PPM1L: variants seen among roughly 807,000 people sequenced by gnomAD.
PPM1L encodes protein phosphatase 1L.
PPM1L carries 13 observed loss-of-function variants against 31.4 expected under a neutral mutation model. The observed-to-expected ratio is 0.41, with a 90% CI of 0.27 to 0.66. The LOEUF is 0.66. Ranked by LOEUF, PPM1L falls within the 30% of genes least tolerant of loss-of-function variation. The probability of loss-of-function intolerance (pLI) is 0.29; values close to 1 mark genes in which losing one functional copy is unlikely to be tolerated. For synonymous variants in PPM1L, 184 were observed against 175.4 expected, an observed-to-expected ratio of 1.05 and a Z score of -0.39; for missense variants, 326 against 453.7, an observed-to-expected ratio of 0.72 and a Z score of 2.56.
At chr3:160,819,591 T>TTA (rs1472277109) in intron 1 of PPM1L, among the ~76,000 whole-genome samples, 1 of 152,054 alleles carries the variant, frequency 6.6e-6, no homozygotes. Context: ...CTAAGTGGTG[T>TTA]TATAGGGTAT....
Position 161,065,383 on chromosome 3 carries a change from CTCTCTCT to C in PPM1L, c.575-16_575-10del. The C allele has an allele frequency of 6.2e-7, 1 of 1,612,022 alleles. No homozygotes were observed. Among genetic ancestry groups the C allele is most frequent in the Admixed American group, 1.7e-5 (1 of 59,938 alleles). On this transcript the variant is annotated splice_polypyrimidine_tract_variant and intron_variant, in intron 2 of 3. Coordinates refer to ENST00000498165, the MANE Select transcript of PPM1L (RefSeq NM_139245.4). ...ATGCACTGCTGACCTCCCGCGTTCT[CTCTCTCT>C]TCTATTTTTCAGGCACAACGTGTTT...
chr3:160,865,969 A>G (rs964701283), intron 1 of PPM1L, among the ~76,000 whole-genome samples: 8 of 152,240 alleles, frequency 5.3e-5, no homozygotes, highest in African/African-American at 1.9e-4. Flanking sequence ...AGAAGTTGTC[A>G]GGGAGAACAA....
In PPM1L at chr3:160,927,663, C is replaced by T. The variant is rs185731039; in HGVS notation, c.400-34073C>T. 2.5e-3 allele frequency among the ~76,000 whole-genome samples: 383 copies of T among 152,088 alleles called. 3 individuals carry two copies. Among genetic ancestry groups the T allele is most frequent in the African/African-American group, 8.5e-3 (354 of 41,484 alleles). On this transcript the variant is annotated intron_variant, in intron 1 of 3. Coordinates refer to ENST00000498165, the MANE Select transcript of PPM1L (RefSeq NM_139245.4). ...GCGTGCGCGCGCATGCACGTAAATG[C>T]GTGTTAGTGGTTAACATGTCTATAA...
intron 1 of PPM1L, among the ~76,000 whole-genome samples, chr3:160,938,817 G>A (rs1329583762): frequency 6.6e-6 from 1 of 152,166 alleles, no homozygotes; most frequent in Non-Finnish European, 1.5e-5. Flanking sequence ...TCCTAGTCTT[G>A]TTCAGGACTC....
intron 1 of PPM1L, among the ~76,000 whole-genome samples, chr3:160,844,083 A>G (rs1409934223): frequency 6.6e-6 from 1 of 152,238 alleles, no homozygotes; most frequent in African/African-American, 2.4e-5. Flanking sequence ...CTTTTGAGCC[A>G]GAAAAACCTG....
chr3:161,036,480 T>TTAGTAGATTG (rs1205674361), intron 2 of PPM1L, among the ~76,000 whole-genome samples: 2 of 152,328 alleles, frequency 1.3e-5, no homozygotes, highest in South Asian at 4.1e-4. Flanking sequence ...ATGTGAGGAT[T>TTAGTAGATTG]ATGTGAATGA....
In PPM1L at chr3:161,031,502, C is replaced by CTTTTTTTTTTTT. The variant is rs760907219; in HGVS notation, c.575-33896_575-33885dup. 3.7e-3 allele frequency among the ~76,000 whole-genome samples: 374 copies of CTTTTTTTTTTTT among 101,628 alleles called. 49 individuals carry two copies. The highest frequency in any genetic ancestry group is 0.014 in the African/African-American group (328 of 22,808). The allele number at this position is 101,628 out of a possible 152,430, so 66.7% of individuals were successfully genotyped here. On this transcript the variant is annotated intron_variant, in intron 2 of 3. Coordinates refer to ENST00000498165, the MANE Select transcript of PPM1L (RefSeq NM_139245.4). ...GTGAATGGCAGCTATGTATTCTGTC[C>CTTTTTTTTTTTT]TTTTTTTTTTTTTTTTGAGAGAGAG...
intron 2 of PPM1L, among the ~76,000 whole-genome samples, chr3:161,059,675 T>C (rs1437998001): frequency 2.0e-5 from 3 of 152,136 alleles, no homozygotes; most frequent in Non-Finnish European, 4.4e-5. Flanking sequence ...CCAAATCTCA[T>C]GTCAAATTGT....
chr3:160,789,644 A>C (rs1290193741), intron 1 of PPM1L, among the ~76,000 whole-genome samples: 1 of 151,984 alleles, frequency 6.6e-6, no homozygotes. Flanking sequence ...TTTTATTAAG[A>C]ATTTTTCAAA....
At chr3:160,865,617 A>T (rs1301788056) in intron 1 of PPM1L, among the ~76,000 whole-genome samples, 3 of 152,178 alleles carry the variant, frequency 2.0e-5, no homozygotes, top group Non-Finnish European at 4.4e-5. Flanking sequence ...TCTACTAAAA[A>T]TACAAAAATT....
At chr3:160,967,545 C>T (rs569676300) in intron 2 of PPM1L, among the ~76,000 whole-genome samples, 7 of 146,202 alleles carry the variant, frequency 4.8e-5, no homozygotes, top group African/African-American at 1.7e-4. Context: ...GCACTAATTC[C>T]ATTCACGAGG....
chr3:161,008,237 G>A (rs1241777256), intron 2 of PPM1L, among the ~76,000 whole-genome samples: 1 of 152,144 alleles, frequency 6.6e-6, no homozygotes, highest in Non-Finnish European at 1.5e-5. Context: ...TAGGCCATAA[G>A]ACCGCCATTC....
intron 1 of PPM1L, among the ~76,000 whole-genome samples, chr3:160,839,247 C>T (rs554354866): frequency 1.4e-4 from 22 of 152,174 alleles, no homozygotes; most frequent in Non-Finnish European, 2.5e-4. Context: ...ATTATGTTTG[C>T]GTAGCAAACT....
At chr3:160,903,208 T>TG (rs1553819694) in intron 1 of PPM1L, among the ~76,000 whole-genome samples, 8 of 120,116 alleles carry the variant, frequency 6.7e-5, no homozygotes, top group East Asian at 6.7e-4. Flanking sequence ...GTGTGTATGT[T>TG]TGTGTGTGTG....
At chr3:160,892,499 A>T (rs1713190230) in intron 1 of PPM1L, among the ~76,000 whole-genome samples, 1 of 152,166 alleles carries the variant, frequency 6.6e-6, no homozygotes, top group African/African-American at 2.4e-5. Context: ...TGGACTGGAC[A>T]AATATCCAAA....
rs149803069 is a variant in PPM1L at position 160,911,381 on chromosome 3, C to T, written c.400-50355C>T. ...CTCAACCATAGCTGTCTAGCACTGC[C>T]ATAGGTTCTGCAGAGAGTTCTGCAG... is the stretch of plus-strand genomic sequence containing the variant. On this transcript the variant is annotated intron_variant, in intron 1 of 3. Coordinates refer to ENST00000498165, the MANE Select transcript of PPM1L (RefSeq NM_139245.4). Among the ~76,000 whole-genome samples the T allele has an allele frequency of 6.5e-4, 99 of 152,290 alleles. 1 individual carries two copies. In the East Asian group the frequency reaches 0.017, roughly 26 times the overall value.
chr3:160,858,907 G>A (rs1388435516), intron 1 of PPM1L, among the ~76,000 whole-genome samples: 2 of 152,010 alleles, frequency 1.3e-5, no homozygotes, highest in South Asian at 4.1e-4. Context: ...CTACTTTCAA[G>A]TACTGGGTCC....
chr3:160,879,598 A>C (rs1712635476), intron 1 of PPM1L, among the ~76,000 whole-genome samples: 2 of 152,242 alleles, frequency 1.3e-5, no homozygotes, highest in Admixed American at 1.3e-4. Flanking sequence ...ATATATACAC[A>C]TGAAAATTTT....
chr3:160,941,440 A>G (rs967508083), intron 1 of PPM1L, among the ~76,000 whole-genome samples: 10 of 152,148 alleles, frequency 6.6e-5, no homozygotes, highest in Admixed American at 5.2e-4. Context: ...ATGTGTTGTG[A>G]GAGGGACCCC....
Sources: gnomAD v4.1 joint callset for allele counts (sites outside exome capture counted in the v4.1 genomes callset) on GRCh38, gnomAD v4.1.1 for gene constraint, MANE v1.5 for transcripts, NCBI Gene and HGNC (gene_info 2026-07-23, HGNC 2026-07-21) for gene names.